POTEH: variants seen among roughly 807,000 people sequenced by gnomAD.
POTEH encodes the protein ANKRD26-like family C member 3.
POTEH carries 6 observed loss-of-function variants against 41.7 expected under a neutral mutation model. The observed-to-expected ratio is 0.14, with a 90% CI of 0.08 to 0.28. POTEH has a LOEUF of 0.28. Among genes scored for constraint, POTEH ranks in the 10% least tolerant of loss-of-function variants. The probability of loss-of-function intolerance (pLI) is 1.00; values close to 1 mark genes in which losing one functional copy is unlikely to be tolerated. For missense variants in POTEH, 115 were observed against 533.5 expected (o/e 0.22, Z 7.73); for synonymous variants, 38 against 179.9 (o/e 0.21, Z 6.31).
In POTEH at chr22:15,690,324, T is replaced by C. The variant is rs562355554; in HGVS notation, c.247T>C (p.Ser83Pro). The change falls in exon 1 of 11, where the codon TCT becomes CCT. Residue 83 changes from serine to proline, a missense_variant. Transcript: ENST00000343518. ...GAGCGGCAAGAGCAACGTGGGCACTTCTGGAGACCACGACGATTCTGCTAT... is the reference window on the plus strand; with the variant it reads ...GAGCGGCAAGAGCAACGTGGGCACTCCTGGAGACCACGACGATTCTGCTAT... Reference protein sequence around the residue: ...RGSGKSNVGTSGDHDDSAMKT... With the variant: ...RGSGKSNVGTPGDHDDSAMKT... The C allele has an allele frequency of 7.1e-7, 1 of 1,412,746 alleles. No homozygotes were observed. The highest frequency in any genetic ancestry group is 2.3e-5 in the East Asian group (1 of 43,444). The allele number at this position is 1,412,746 out of a possible 1,614,324, so 87.5% of individuals were successfully genotyped here. A position where few individuals can be genotyped will look rare whatever the true frequency, so the allele number is the denominator to read the frequency against.
intron 1 of POTEH, among the ~76,000 whole-genome samples, chr22:15,692,364 A>G (rs1989341442): frequency 6.8e-6 from 1 of 146,874 alleles, no homozygotes; most frequent in Non-Finnish European, 1.5e-5. Flanking sequence ...TTGCATATCT[A>G]CCAGTGACCT....
intron 9 of POTEH, among the ~76,000 whole-genome samples, chr22:15,717,105 T>C (rs1234596947): frequency 1.1e-5 from 1 of 87,806 alleles, no homozygotes; most frequent in African/African-American, 3.5e-5. Flanking sequence ...TGTGTGAGTG[T>C]ATATACACAC....
intron 1 of POTEH, among the ~76,000 whole-genome samples, chr22:15,693,500 T>G (rs1199384770): frequency 6.6e-6 from 1 of 152,204 alleles, no homozygotes; most frequent in Non-Finnish European, 1.5e-5. Context: ...TCATTATATA[T>G]AGATTAACAT....
chr22:15,691,928 T>C (rs1192197743), intron 1 of POTEH, among the ~76,000 whole-genome samples: 3 of 146,964 alleles, frequency 2.0e-5, no homozygotes, highest in Non-Finnish European at 4.6e-5. Flanking sequence ...ATTTTAAATA[T>C]ACAAAAAGAG....
At chr22:15,691,943 A>T (rs1989324557) in intron 1 of POTEH, among the ~76,000 whole-genome samples, 1 of 146,794 alleles carries the variant, frequency 6.8e-6, no homozygotes, top group South Asian at 2.2e-4. Context: ...AAAGAGAAAC[A>T]TACCAGAAGA....
rs750746195 is a variant in POTEH, at chr22:15,690,053, G to C, written c.-25G>C. On this transcript the variant is annotated 5_prime_UTR_variant, in exon 1 of 11. Transcript: ENST00000343518. ...TAGACGCGATCTGCTGGCTACTACC[G>C]GCCTTCCCTGGCTGTTAAAAGCAGA... The C allele has an allele frequency of 7.2e-7, 1 of 1,397,730 alleles. No individual in the cohort carries two copies. The highest frequency in any genetic ancestry group is 9.9e-7 in the Non-Finnish European group (1 of 1,007,968). The allele number at this position is 1,397,730 out of a possible 1,614,324, so 86.6% of individuals were successfully genotyped here. A position where few individuals can be genotyped will look rare whatever the true frequency, so the allele number is the denominator to read the frequency against.
intron 7 of POTEH, among the ~76,000 whole-genome samples, chr22:15,708,889 A>T (rs1989739088): frequency 6.8e-6 from 1 of 147,852 alleles, no homozygotes; most frequent in Non-Finnish European, 1.5e-5. Flanking sequence ...GTTAAAGAGT[A>T]ATCATGGCCA....
chr22:15,692,176 T>C (rs1440543661), intron 1 of POTEH, among the ~76,000 whole-genome samples: 1 of 133,410 alleles, frequency 7.5e-6, no homozygotes, highest in East Asian at 2.1e-4. Context: ...GGCTAATTGT[T>C]TTGTATTTTT....
chr22:15,711,374 G>A (rs1235597003), intron 9 of POTEH, among the ~76,000 whole-genome samples: 1 of 151,954 alleles, frequency 6.6e-6, no homozygotes, highest in Non-Finnish European at 1.5e-5. Context: ...TACTCGAATG[G>A]TAGTTTTTTG....
intron 7 of POTEH, among the ~76,000 whole-genome samples, chr22:15,708,513 C>CAAAA (rs1165699401): frequency 2.8e-4 from 2 of 7,240 alleles, no homozygotes; most frequent in African/African-American, 1.8e-3. Context: ...GACTCTGTGT[C>CAAAA]AAAAAAAAAA....
chr22:15,705,567 TG>T (rs1217602883), intron 6 of POTEH, among the ~76,000 whole-genome samples: 1 of 147,886 alleles, frequency 6.8e-6, no homozygotes, highest in Non-Finnish European at 1.5e-5. Context: ...GAGAAAGGCT[TG>T]GGGGACAGAG....
At chr22:15,697,929 A>G (rs1265845968) in intron 3 of POTEH, among the ~76,000 whole-genome samples, 6 of 149,446 alleles carry the variant, frequency 4.0e-5, no homozygotes, top group African/African-American at 1.5e-4. Flanking sequence ...AGCAAATTCT[A>G]AACTGTTTTT....
At chr22:15,713,323 T>A (rs1422363078) in intron 9 of POTEH, among the ~76,000 whole-genome samples, 2 of 152,300 alleles carry the variant, frequency 1.3e-5, no homozygotes, top group Admixed American at 6.5e-5. Flanking sequence ...TTTGAGCCAA[T>A]GGAGGGCATC....
intron 4 of POTEH, chr22:15,699,787 A>T (rs1429920266): frequency 5.4e-5 from 20 of 373,266 alleles, no homozygotes; most frequent in Admixed American, 5.3e-4. Flanking sequence ...ATCTTTGTTC[A>T]TTTCAGATAA....
At chr22:15,692,013 TC>T (rs1989331529) in intron 1 of POTEH, among the ~76,000 whole-genome samples, 1 of 135,286 alleles carries the variant, frequency 7.4e-6, no homozygotes, top group Admixed American at 7.7e-5. Flanking sequence ...TATATAAATT[TC>T]TTTTTTTTTT....
chr22:15,696,895 T>C (rs1989441180), intron 3 of POTEH, among the ~76,000 whole-genome samples: 1 of 145,604 alleles, frequency 6.9e-6, no homozygotes, highest in Non-Finnish European at 1.5e-5. Flanking sequence ...GAAGTAATTG[T>C]CTATTGTACT....
chr22:15,713,663 C>T (rs1480458343), intron 9 of POTEH, among the ~76,000 whole-genome samples: 3 of 152,238 alleles, frequency 2.0e-5, no homozygotes, highest in South Asian at 2.1e-4. Flanking sequence ...CCATACCTGG[C>T]TAATTTTTGT....
intron 9 of POTEH, among the ~76,000 whole-genome samples, chr22:15,717,789 G>A (rs1185236787): frequency 9.8e-5 from 15 of 152,364 alleles, no homozygotes; most frequent in African/African-American, 3.6e-4. Flanking sequence ...TGTGCTGAAG[G>A]TTTTTAGTTT....
At chr22:15,701,945 AT>A (rs1989573541) in intron 5 of POTEH, among the ~76,000 whole-genome samples, 1 of 67,448 alleles carries the variant, frequency 1.5e-5, no homozygotes, top group Non-Finnish European at 2.9e-5. Context: ...CTTAACATCC[AT>A]TGGTTTTTCT....
Sources: allele counts gnomAD v4.1 joint callset (sites outside exome capture counted in the v4.1 genomes callset), GRCh38; gene constraint gnomAD v4.1.1; transcripts MANE v1.5; gene names NCBI Gene and HGNC (gene_info 2026-07-23, HGNC 2026-07-21).